ANKS1B: variants seen among roughly 807,000 people sequenced by gnomAD.
ANKS1B encodes the protein ankyrin repeat and sterile alpha motif domain-containing protein 1B.
A neutral mutation model predicts 148.3 loss-of-function variants in ANKS1B; 36 were observed. The ratio of observed to expected loss-of-function variants is 0.24; its 90% CI spans 0.19 to 0.32. ANKS1B has a LOEUF of 0.32. Ranked by LOEUF, ANKS1B falls within the 10% of genes least tolerant of loss-of-function variation. The pLI, the probability that ANKS1B is intolerant of heterozygous loss-of-function variation, is 1.00. For missense variants in ANKS1B, 1,157 were observed against 1,542.6 expected, an observed-to-expected ratio of 0.75 and a Z score of 4.19; for synonymous variants, 542 against 560.8, an observed-to-expected ratio of 0.97 and a Z score of 0.47.
At chr12:98,894,719 G>T (rs1358795654) in intron 17 of ANKS1B, 2 of 985,536 alleles carry the variant, frequency 2.0e-6, no homozygotes, top group African/African-American at 3.5e-5. Context: ...TTGAACCTCC[G>T]CTCCCCTAGC....
At chr12:99,579,510 C>A (rs2097550124) in intron 9 of ANKS1B, among the ~76,000 whole-genome samples, 3 of 151,922 alleles carry the variant, frequency 2.0e-5, no homozygotes, top group Non-Finnish European at 1.5e-5. Flanking sequence ...ACAACAAAAA[C>A]AAATAACCCC....
chr12:99,499,335 C>G (rs887416516), intron 10 of ANKS1B, among the ~76,000 whole-genome samples: 1 of 152,136 alleles, frequency 6.6e-6, no homozygotes, highest in Non-Finnish European at 1.5e-5. Context: ...TTCTTCTATA[C>G]TAAACCCAAG....
chr12:99,116,487 G>T (rs1188203613), intron 15 of ANKS1B, among the ~76,000 whole-genome samples: 4 of 152,122 alleles, frequency 2.6e-5, no homozygotes, highest in Non-Finnish European at 4.4e-5. Flanking sequence ...TTGGCATGGA[G>T]TAACTAATCA....
chr12:99,453,106 T>G (rs138061180), intron 10 of ANKS1B, among the ~76,000 whole-genome samples: 1,732 of 152,126 alleles, frequency 0.011, 19 homozygotes, highest in African/African-American at 0.024. Flanking sequence ...CTGGCTAACA[T>G]GGTGAAACCC....
intron 10 of ANKS1B, among the ~76,000 whole-genome samples, chr12:99,475,660 A>G (rs190618926): frequency 1.0e-3 from 152 of 151,882 alleles, no homozygotes; most frequent in African/African-American, 3.5e-3. Flanking sequence ...CTTAAAACTC[A>G]TATGGTAAAA....
At chr12:99,820,397 T>A (rs923444371) in intron 2 of ANKS1B, among the ~76,000 whole-genome samples, 1 of 152,056 alleles carries the variant, frequency 6.6e-6, no homozygotes, top group Non-Finnish European at 1.5e-5. Context: ...AGGGGGACAG[T>A]TTGTGTTCAA....
chr12:99,324,150 G>A (rs2085857851), intron 12 of ANKS1B, among the ~76,000 whole-genome samples: 1 of 152,010 alleles, frequency 6.6e-6, no homozygotes, highest in Non-Finnish European at 1.5e-5. Context: ...TTAATTACAT[G>A]GACATTAATT....
At chr12:99,029,555 A>G (rs1359232613) in intron 17 of ANKS1B, among the ~76,000 whole-genome samples, 1 of 152,226 alleles carries the variant, frequency 6.6e-6, no homozygotes, top group African/African-American at 2.4e-5. Flanking sequence ...AGTACTTGTC[A>G]GGGTAAGCGG....
chr12:98,926,449 T>C (rs2099808389), intron 17 of ANKS1B, among the ~76,000 whole-genome samples: 1 of 152,126 alleles, frequency 6.6e-6, no homozygotes, highest in African/African-American at 2.4e-5. Flanking sequence ...TGCCACACTA[T>C]ATTCCTTAAA....
intron 1 of ANKS1B, among the ~76,000 whole-genome samples, chr12:99,850,289 CTCTCT>C (rs2087540365): frequency 2.0e-5 from 3 of 150,472 alleles, no homozygotes; most frequent in South Asian, 2.1e-4. Flanking sequence ...AAGTCTCTCT[CTCTCT>C]CTCTCTCTCT....
At chr12:98,858,266 C>A (rs989494283) in intron 17 of ANKS1B, among the ~76,000 whole-genome samples, 46 of 152,136 alleles carry the variant, frequency 3.0e-4, no homozygotes, top group African/African-American at 1.1e-3. Context: ...ATGAAAAAAT[C>A]ATAGTTTAGA....
At chr12:98,855,084 G>A (rs574101059) in intron 17 of ANKS1B, among the ~76,000 whole-genome samples, 54 of 151,628 alleles carry the variant, frequency 3.6e-4, no homozygotes, top group African/African-American at 1.2e-3. Context: ...GCGTGAACCC[G>A]GGAAGCGGAG....
chr12:99,651,652 G>T (rs2153437601), intron 9 of ANKS1B, among the ~76,000 whole-genome samples: 1 of 152,100 alleles, frequency 6.6e-6, no homozygotes, highest in Non-Finnish European at 1.5e-5. Flanking sequence ...ATCTGCTTCT[G>T]ATTACAAATC....
intron 1 of ANKS1B, among the ~76,000 whole-genome samples, chr12:99,964,419 C>G (rs752521598): frequency 1.4e-4 from 22 of 152,328 alleles, no homozygotes; most frequent in South Asian, 4.1e-4. Context: ...TTCTCATTTC[C>G]CTTCTCTTCC....
intron 14 of ANKS1B, among the ~76,000 whole-genome samples, chr12:99,184,544 T>C (rs956313702): frequency 6.6e-6 from 1 of 152,248 alleles, no homozygotes; most frequent in Non-Finnish European, 1.5e-5. Flanking sequence ...TTAGCTATCT[T>C]GTCTATCTAT....
intron 17 of ANKS1B, among the ~76,000 whole-genome samples, chr12:99,042,056 A>G (rs565925092): frequency 3.3e-5 from 5 of 152,072 alleles, no homozygotes; most frequent in African/African-American, 1.2e-4. Flanking sequence ...CCCATAAAAC[A>G]CCAAAATAAA....
At position 99,098,356 on chromosome 12, in the gene ANKS1B, T is replaced by C. The variant is rs560692092; in HGVS notation, c.2527-13333A>G. 3.3e-5 allele frequency among the ~76,000 whole-genome samples: 5 copies of C among 152,286 alleles called. No homozygotes were observed. In the East Asian group the frequency reaches 9.7e-4, roughly 29 times the overall value. ...TTCTCTGCCAGCCCAGTCGTCTCCA[T>C]GAACCTCCTTTCCTACAATTTCTAC... is the stretch of plus-strand genomic sequence containing the variant. On this transcript the variant is annotated intron_variant, in intron 15 of 26. Transcript: ENST00000683438.
At chr12:99,834,429 A>G (rs1565823596) in intron 1 of ANKS1B, among the ~76,000 whole-genome samples, 1 of 152,226 alleles carries the variant, frequency 6.6e-6, no homozygotes, top group Non-Finnish European at 1.5e-5. Flanking sequence ...GAATGTTCTC[A>G]GACAATATGG....
At chr12:99,346,642 G>A (rs2090730631) in intron 12 of ANKS1B, among the ~76,000 whole-genome samples, 3 of 151,950 alleles carry the variant, frequency 2.0e-5, no homozygotes, top group Admixed American at 2.0e-4. Flanking sequence ...AAACAATTCT[G>A]GCAAAACTGT....
Sources: gnomAD v4.1 joint callset for allele counts (sites outside exome capture counted in the v4.1 genomes callset) on GRCh38, gnomAD v4.1.1 for gene constraint, MANE v1.5 for transcripts, NCBI Gene and HGNC (gene_info 2026-07-23, HGNC 2026-07-21) for gene names.